The following DIAPH2 variants were observed in gnomAD, a reference collection of about 807,000 sequenced individuals.
DIAPH2 encodes the protein diaphanous related formin 2, also known as protein diaphanous homolog 2.
DIAPH2 carries 35 observed loss-of-function variants against 92.7 expected under a neutral mutation model. The observed-to-expected ratio is 0.38, with a 90% CI of 0.29 to 0.50. The LOEUF is 0.50. Ranked by LOEUF, DIAPH2 falls within the 20% of genes least tolerant of loss-of-function variation. DIAPH2 has a pLI of 0.94. For synonymous variants in DIAPH2, 301 were observed against 280.4 expected (o/e 1.07, Z -0.73); for missense variants, 701 against 819.5 (o/e 0.86, Z 1.77).
chrX:97,279,720 C>T (rs141910585), intron 23 of DIAPH2, among the ~76,000 whole-genome samples: 2 of 111,555 alleles, frequency 1.8e-5, no homozygotes, highest in Non-Finnish European at 3.8e-5. Flanking sequence ...CCTTACCACA[C>T]CAGATTTAAG....
chrX:97,501,372 A>G (rs1235281043), intron 26 of DIAPH2, among the ~76,000 whole-genome samples: 1 of 112,133 alleles, frequency 8.9e-6, no homozygotes, highest in Non-Finnish European at 1.9e-5. Flanking sequence ...TCTAGAGACA[A>G]TTAGCAGGCA....
chrX:96,887,232 T>A, intron 5 of DIAPH2, among the ~76,000 whole-genome samples: 1 of 111,963 alleles, frequency 8.9e-6, no homozygotes, highest in East Asian at 2.8e-4. Context: ...GTTTTATACA[T>A]GTATATTTAG....
chrX:96,768,057 G>A (rs938983142), intron 4 of DIAPH2, among the ~76,000 whole-genome samples: 1 of 111,572 alleles, frequency 9.0e-6, no homozygotes, highest in Admixed American at 9.5e-5. Context: ...AAAATAAATT[G>A]TTTTTATTAT....
chrX:97,072,541 C>T (rs753485620), intron 17 of DIAPH2, among the ~76,000 whole-genome samples: 1 of 112,202 alleles, frequency 8.9e-6, no homozygotes, highest in Non-Finnish European at 1.9e-5. Flanking sequence ...AGCAATTTCA[C>T]TGAATTGTTT....
intron 26 of DIAPH2, among the ~76,000 whole-genome samples, chrX:97,461,413 A>T (rs1214985228): frequency 9.0e-6 from 1 of 111,619 alleles, no homozygotes; most frequent in Non-Finnish European, 1.9e-5. Flanking sequence ...AGAACATAAC[A>T]AAAGAGTATT....
intron 26 of DIAPH2, among the ~76,000 whole-genome samples, chrX:97,519,621 G>C (rs1433829308): frequency 1.8e-5 from 2 of 112,397 alleles, no homozygotes; most frequent in Non-Finnish European, 3.8e-5. Flanking sequence ...TTTCAACAGA[G>C]GTTACTGTTT....
chrX:97,170,362 G>A (rs938126936), intron 22 of DIAPH2, among the ~76,000 whole-genome samples: 1 of 112,312 alleles, frequency 8.9e-6, no homozygotes, highest in African/African-American at 3.2e-5. Flanking sequence ...AGGGGACTAA[G>A]CAATGACCGG....
intron 4 of DIAPH2, among the ~76,000 whole-genome samples, chrX:96,803,987 C>T (rs987261884): frequency 2.7e-5 from 3 of 111,628 alleles, no homozygotes; most frequent in Non-Finnish European, 5.7e-5. Flanking sequence ...TGCAGTGAAC[C>T]GAGATTGCGC....
At chrX:96,735,535 T>C (rs1305335553) in intron 1 of DIAPH2, among the ~76,000 whole-genome samples, 2 of 111,916 alleles carry the variant, frequency 1.8e-5, no homozygotes, top group African/African-American at 6.5e-5. Context: ...TTGGGAGCCG[T>C]ATTTAAAAAC....
At chrX:96,864,234 G>A (rs772235743) in intron 4 of DIAPH2, among the ~76,000 whole-genome samples, 2 of 109,146 alleles carry the variant, frequency 1.8e-5, no homozygotes, top group Non-Finnish European at 3.8e-5. Flanking sequence ...TGTTTCCTGT[G>A]AAAGATTCCT....
intron 4 of DIAPH2, among the ~76,000 whole-genome samples, chrX:96,759,294 C>A (rs1204468180): frequency 9.0e-6 from 1 of 111,678 alleles, no homozygotes; most frequent in African/African-American, 3.2e-5. Context: ...GCCATGAATT[C>A]TACGATTGTA....
intron 24 of DIAPH2, among the ~76,000 whole-genome samples, chrX:97,367,502 G>A (rs550437724): frequency 5.4e-5 from 6 of 111,140 alleles, no homozygotes; most frequent in Admixed American, 4.8e-4. Context: ...CATGATCCAC[G>A]CTATTTTGTT....
intron 24 of DIAPH2, among the ~76,000 whole-genome samples, chrX:97,350,915 G>A (rs989051866): frequency 8.9e-6 from 1 of 112,113 alleles, no homozygotes; most frequent in African/African-American, 3.2e-5. Context: ...ATATTCTTAT[G>A]TCCAGTTTCA....
Position 97,539,857 on chromosome X carries a change from A to T in DIAPH2, c.3242-59396A>T, listed in dbSNP as rs779415878. Among the ~76,000 whole-genome samples, 327 of 111,906 alleles carry T rather than the reference A, an allele frequency of 2.9e-3. 6 individuals carry two copies. The highest frequency in any genetic ancestry group is 3.4e-3 in the Non-Finnish European group (183 of 53,108). On this transcript the variant is annotated intron_variant, in intron 26 of 26. Transcript: ENST00000324765. ...AGATAAGAAAACAAACCACAAAAAA[A>T]TACACAAATTTATACTTACTTCACA...
chrX:97,297,821 A>G (rs1446755953), intron 23 of DIAPH2, among the ~76,000 whole-genome samples: 1 of 110,040 alleles, frequency 9.1e-6, no homozygotes, highest in African/African-American at 3.3e-5. Flanking sequence ...GAAAACTAAG[A>G]CCTATTCCTG....
intron 17 of DIAPH2, among the ~76,000 whole-genome samples, chrX:97,032,232 C>T (rs920962810): frequency 9.0e-5 from 10 of 110,702 alleles, no homozygotes; most frequent in African/African-American, 3.0e-4. Context: ...GGAGAAGGGG[C>T]CATTTGGTCT....
At chrX:96,950,273 C>T (rs770173491) in intron 15 of DIAPH2, among the ~76,000 whole-genome samples, 14 of 110,866 alleles carry the variant, frequency 1.3e-4, no homozygotes, top group African/African-American at 4.6e-4. Context: ...TCACATATCC[C>T]CTTTTAGTAG....
chrX:96,735,711 T>C, intron 1 of DIAPH2, 47 bp from the exon 2 acceptor site: 1 of 736,313 alleles, frequency 1.4e-6, no homozygotes, highest in Non-Finnish European at 2.0e-6. Context: ...TATGAGTTTC[T>C]CTTATCTGAT....
chrX:96,888,147 G>T (rs1011774907), intron 5 of DIAPH2, among the ~76,000 whole-genome samples: 2 of 108,541 alleles, frequency 1.8e-5, no homozygotes. Flanking sequence ...TGCAACCTCT[G>T]CCTCCCAGGT....
Sources: gnomAD v4.1 joint callset for allele counts (sites outside exome capture counted in the v4.1 genomes callset) on GRCh38, gnomAD v4.1.1 for gene constraint, MANE v1.5 for transcripts, NCBI Gene and HGNC (gene_info 2026-07-23, HGNC 2026-07-21) for gene names.